Variants in SPIDR observed in about 807,000 individuals in gnomAD.
SPIDR encodes the protein DNA repair-scaffolding protein.
A neutral mutation model predicts 104.6 loss-of-function variants in SPIDR; 93 were observed. The ratio of observed to expected loss-of-function variants is 0.89; its 90% confidence interval spans 0.75 to 1.06. The LOEUF (loss-of-function observed/expected upper bound fraction) is 1.06, where lower values mean the gene tolerates loss of function less well. Among genes scored for constraint, SPIDR ranks in the 50% least tolerant of loss-of-function variants. The pLI is 0.00. For synonymous variants in SPIDR, 431 were observed against 416.9 expected (o/e 1.03, Z -0.41); for missense variants, 1,154 against 1,111.2 (o/e 1.04, Z -0.55).
intron 5 of SPIDR, among the ~76,000 whole-genome samples, chr8:47,340,826 T>C (rs1197463052): frequency 1.3e-5 from 2 of 152,212 alleles, no homozygotes; most frequent in Admixed American, 6.5e-5. Context: ...TGGCTCTTCC[T>C]GGTTAGCAAA....
At chr8:47,290,947 T>C in intron 3 of SPIDR, 86 bp from the exon 4 acceptor site, 1 of 1,007,346 alleles carries the variant, frequency 9.9e-7, no homozygotes, top group Non-Finnish European at 1.4e-6. Flanking sequence ...ATTTGTGACT[T>C]TGGCAAAATT....
At chr8:47,475,307 G>A (rs1554723154) in intron 8 of SPIDR, among the ~76,000 whole-genome samples, 1 of 152,188 alleles carries the variant, frequency 6.6e-6, no homozygotes, top group African/African-American at 2.4e-5. Context: ...GCCCTGCCGG[G>A]CCCAGAGCAT....
chr8:47,406,756 G>A (rs2062810678), intron 6 of SPIDR, among the ~76,000 whole-genome samples: 1 of 152,176 alleles, frequency 6.6e-6, no homozygotes, highest in Admixed American at 6.5e-5. Context: ...GCCACGTGCT[G>A]CACTAAGTCC....
At chr8:47,675,035 C>A (rs1206500113) in intron 11 of SPIDR, among the ~76,000 whole-genome samples, 1 of 151,786 alleles carries the variant, frequency 6.6e-6, no homozygotes, top group East Asian at 1.9e-4. Context: ...TTTGTTTTGT[C>A]TTGTTTTATT....
chr8:47,268,443 A>G (rs1049699929), intron 1 of SPIDR, among the ~76,000 whole-genome samples: 2 of 152,242 alleles, frequency 1.3e-5, no homozygotes, highest in Non-Finnish European at 2.9e-5. Context: ...ATTATTTCCC[A>G]TGAGCATGGG....
intron 8 of SPIDR, among the ~76,000 whole-genome samples, chr8:47,509,446 CA>C (rs1401257333): frequency 6.6e-6 from 1 of 152,104 alleles, no homozygotes; most frequent in Non-Finnish European, 1.5e-5. Flanking sequence ...GTTTCTATTA[CA>C]GGGGGCTGTT....
intron 1 of SPIDR, among the ~76,000 whole-genome samples, chr8:47,265,763 T>A (rs1191139406): frequency 1.3e-5 from 2 of 152,210 alleles, no homozygotes; most frequent in Non-Finnish European, 2.9e-5. Context: ...TAGAGAATAA[T>A]TGTTTTATAA....
chr8:47,709,387 G>A (rs909009512), intron 14 of SPIDR, among the ~76,000 whole-genome samples: 13 of 151,908 alleles, frequency 8.6e-5, no homozygotes, highest in Non-Finnish European at 1.5e-4. Context: ...TGATTCACCC[G>A]CCTCTGCCTC....
intron 8 of SPIDR, among the ~76,000 whole-genome samples, chr8:47,591,111 G>C (rs1183963805): frequency 6.6e-6 from 1 of 150,810 alleles, no homozygotes; most frequent in Non-Finnish European, 1.5e-5. Context: ...TCTTTTAATT[G>C]GTTTATTTAG....
rs115596483 is a variant in SPIDR at position 47,416,377 on chromosome 8, G to A, written c.877+8416G>A. 5.1e-3 allele frequency among the ~76,000 whole-genome samples: 784 copies of A among 152,238 alleles called. 7 individuals are homozygous for A. Among genetic ancestry groups the A allele is most frequent in the African/African-American group, 0.017 (716 of 41,550 alleles). On this transcript the variant is annotated intron_variant, in intron 7 of 19. Coordinates refer to ENST00000297423, the MANE Select transcript of SPIDR (RefSeq NM_001080394.4). The stretch of plus-strand genomic sequence containing the variant: ...GTCAATAACCCACTCCGTATTGCTC[G>A]GTAGTATTCCATGGTACAAATGTGC...
intron 5 of SPIDR, among the ~76,000 whole-genome samples, chr8:47,343,040 C>T (rs1321343607): frequency 1.3e-5 from 2 of 152,248 alleles, no homozygotes; most frequent in South Asian, 2.1e-4. Context: ...GTCATATCAT[C>T]CATGTTAACT....
intron 8 of SPIDR, among the ~76,000 whole-genome samples, chr8:47,573,148 C>T (rs2058715965): frequency 1.3e-5 from 2 of 152,128 alleles, no homozygotes; most frequent in South Asian, 4.1e-4. Flanking sequence ...ATCAGAAAGT[C>T]TACACAGTGA....
chr8:47,687,640 G>A (rs891468798), intron 11 of SPIDR, among the ~76,000 whole-genome samples: 1 of 152,222 alleles, frequency 6.6e-6, no homozygotes, highest in African/African-American at 2.4e-5. Flanking sequence ...AGCCACCACT[G>A]TAATTCAATA....
chr8:47,270,611 T>G (rs1416027780), intron 1 of SPIDR, among the ~76,000 whole-genome samples: 3 of 152,076 alleles, frequency 2.0e-5, no homozygotes, highest in African/African-American at 7.2e-5. Context: ...TTATATTCTT[T>G]GTTGTTTTTC....
chr8:47,406,491 AG>A (rs879961013), intron 6 of SPIDR, among the ~76,000 whole-genome samples: 2 of 152,224 alleles, frequency 1.3e-5, no homozygotes, highest in Admixed American at 1.3e-4. Context: ...TGACATGTAG[AG>A]GTGCTATGGC....
chr8:47,706,996 T>C (rs2081182545), intron 14 of SPIDR, among the ~76,000 whole-genome samples: 1 of 152,098 alleles, frequency 6.6e-6, no homozygotes, highest in Non-Finnish European at 1.5e-5. Flanking sequence ...CTCACACCTG[T>C]AATACCAGCA....
chr8:47,495,421 A>T (rs1380070774), intron 8 of SPIDR, among the ~76,000 whole-genome samples: 1 of 152,108 alleles, frequency 6.6e-6, no homozygotes, highest in Non-Finnish European at 1.5e-5. Context: ...AACATAGTAT[A>T]CAATTCTTCA....
chr8:47,320,522 G>A (rs1409775406), intron 5 of SPIDR, among the ~76,000 whole-genome samples: 2 of 152,174 alleles, frequency 1.3e-5, no homozygotes, highest in South Asian at 2.1e-4. Flanking sequence ...AGAGGTACAA[G>A]GAGGAGCTGG....
intron 10 of SPIDR, among the ~76,000 whole-genome samples, chr8:47,659,166 G>A (rs747036132): frequency 1.3e-5 from 2 of 152,022 alleles, no homozygotes; most frequent in Non-Finnish European, 2.9e-5. Context: ...AGGCTGAGGT[G>A]GGAGGACCAG....
Sources: allele counts gnomAD v4.1 joint callset (sites outside exome capture counted in the v4.1 genomes callset), GRCh38; gene constraint gnomAD v4.1.1; transcripts MANE v1.5; gene names NCBI Gene and HGNC (gene_info 2026-07-23, HGNC 2026-07-21).